B3GNT3: variants seen among roughly 807,000 people sequenced by gnomAD.
B3GNT3 encodes the protein UDP-GlcNAc:betaGal beta-1,3-N-acetylglucosaminyltransferase 3.
A neutral mutation model predicts 11.6 loss-of-function variants in B3GNT3; 7 were observed. That is an observed-to-expected ratio of 0.60 (90% CI 0.34 to 1.13). The LOEUF is 1.13. Ranked by LOEUF, B3GNT3 falls within the 50% of genes most tolerant of loss-of-function variation. The pLI is 0.03. For synonymous variants in B3GNT3, 201 were observed against 222.1 expected (o/e 0.90, Z 0.85); for missense variants, 400 against 507.4 (o/e 0.79, Z 2.03).
chr19:17,801,950 T>C (rs2094166767), intron 1 of B3GNT3, among the ~76,000 whole-genome samples: 1 of 151,980 alleles, frequency 6.6e-6, no homozygotes, highest in South Asian at 2.1e-4. Flanking sequence ...TAGCCAGGCG[T>C]GGTGGCACAT....
chr19:17,806,431 T>C (rs574337731), intron 1 of B3GNT3, among the ~76,000 whole-genome samples: 11 of 152,288 alleles, frequency 7.2e-5, no homozygotes, highest in Non-Finnish European at 1.5e-4. Context: ...CTAGGGCTGA[T>C]GAGCACTGTG....
intron 2 of B3GNT3, among the ~76,000 whole-genome samples, chr19:17,810,492 G>A (rs2094179239): frequency 6.6e-6 from 1 of 152,128 alleles, no homozygotes; most frequent in Non-Finnish European, 1.5e-5. Context: ...TGAAGCACTG[G>A]CACTATGCTG....
rs753860570 is a variant in B3GNT3, at chr19:17,811,813, T to G, written c.810T>G (p.Gly270=). Residue 270 remains glycine (G), a synonymous_variant, in exon 3 of 3, where the codon GGT becomes GGG. Coordinates refer to ENST00000318683, the MANE Select transcript of B3GNT3 (RefSeq NM_014256.4). This position sits in a 1 kb window ranked among gnomAD's most constrained non-coding sequence, Gnocchi z 4.1. ...QNERYPPYCG[G]GGFLLSRFTA... is the part of the protein sequence containing the mutation. Reference sequence around the variant, plus strand: ...AGCGGTACCCACCCTATTGTGGGGGTGGTGGCTTCTTGCTGTCCCGCTTCA... The same window carrying G: ...AGCGGTACCCACCCTATTGTGGGGGGGGTGGCTTCTTGCTGTCCCGCTTCA... 2 of 1,613,836 alleles carry G rather than the reference T, an allele frequency of 1.2e-6. No individual in the cohort carries two copies. Among genetic ancestry groups the G allele is most frequent in the African/African-American group, 2.7e-5 (2 of 74,854 alleles).
rs1313547610 is a variant in B3GNT3 at position 17,812,936 on chromosome 19, C to G, written c.*814C>G. 6.6e-6 allele frequency: 1 copy of G among 152,182 alleles called. No homozygotes were observed. The highest frequency in any genetic ancestry group is 1.5e-5 in the Non-Finnish European group (1 of 68,092). The allele number at this position is 152,182 out of a possible 1,614,324, so 9.4% of individuals were successfully genotyped here. ...AGGTCCTCCAGCAGCCTCCCTCACCCAGTATGTTTTACAGATTACGGGGGG... is the reference window on the plus strand; with the variant it reads ...AGGTCCTCCAGCAGCCTCCCTCACCGAGTATGTTTTACAGATTACGGGGGG... On this transcript the variant is annotated 3_prime_UTR_variant, in exon 3 of 3. Transcript: ENST00000318683.
At position 17,811,386 on chromosome 19, in the gene B3GNT3, G is replaced by T. The variant is rs1229188546; in HGVS notation, c.568-185G>T. Among the ~76,000 whole-genome samples, 1 of 152,208 alleles carries T rather than the reference G, an allele frequency of 6.6e-6. No homozygotes were observed. The highest frequency in any genetic ancestry group is 2.4e-5 in the African/African-American group (1 of 41,456). On this transcript the variant is annotated intron_variant, in intron 2 of 2. Coordinates refer to ENST00000318683, the MANE Select transcript of B3GNT3 (RefSeq NM_014256.4). The surrounding 1 kb of genome is among the most constrained non-coding windows in gnomAD (Gnocchi z 4.1). ...CTCCTAGAGGCACATGATAAGGCCT[G>T]TTTGGAGAGTTGAAACCAAGGCACA... is the stretch of plus-strand genomic sequence containing the variant.
At chr19:17,796,312 C>G (rs925036562) in intron 1 of B3GNT3, among the ~76,000 whole-genome samples, 1 of 152,138 alleles carries the variant, frequency 6.6e-6, no homozygotes, top group Non-Finnish European at 1.5e-5. Context: ...AGGCTGGTCT[C>G]AAACTCCTGG....
At chr19:17,808,910 G>A (rs759335898) in intron 2 of B3GNT3, among the ~76,000 whole-genome samples, 5 of 151,988 alleles carry the variant, frequency 3.3e-5, no homozygotes, top group Non-Finnish European at 7.4e-5. Context: ...TGCGATCTGG[G>A]CTTGCTGCAA....
chr19:17,811,019 C>T lies in B3GNT3; in HGVS notation c.568-552C>T, dbSNP rs1249295292. 6.6e-6 allele frequency among the ~76,000 whole-genome samples: 1 copy of T among 150,662 alleles called. No individual in the cohort carries two copies. The highest frequency in any genetic ancestry group is 1.5e-5 in the Non-Finnish European group (1 of 67,778). Reference sequence around the variant, plus strand: ...AGGTCTGGAGTCTGAGACCAGCCTGCGTAGCATAGCAAGATCCCATCTCTT... The same window carrying T: ...AGGTCTGGAGTCTGAGACCAGCCTGTGTAGCATAGCAAGATCCCATCTCTT... On this transcript the variant is annotated intron_variant, in intron 2 of 2. Coordinates refer to ENST00000318683, the MANE Select transcript of B3GNT3 (RefSeq NM_014256.4). The surrounding 1 kb of genome is among the most constrained non-coding windows in gnomAD (Gnocchi z 4.1).
intron 1 of B3GNT3, among the ~76,000 whole-genome samples, chr19:17,799,050 C>G (rs1353371917): frequency 6.6e-6 from 1 of 152,204 alleles, no homozygotes; most frequent in Non-Finnish European, 1.5e-5. Flanking sequence ...CTTGGAGCTA[C>G]CACTTGACCC....
chr19:17,807,754 A>G lies in B3GNT3; in HGVS notation c.-50-4A>G. The G allele has an allele frequency of 1.3e-6, 2 of 1,516,886 alleles. No homozygotes were observed. Among genetic ancestry groups the G allele is most frequent in the Non-Finnish European group, 1.8e-6 (2 of 1,120,360 alleles). 94.0% of individuals were successfully genotyped at this position (1,516,886 alleles called of 1,614,324 possible). A position where few individuals can be genotyped will look rare whatever the true frequency, so the allele number is the denominator to read the frequency against. ...GAGTGTTCAGTGAGTTTTGTTTTCC[A>G]CAGGAGCCGCCCAGGAGGCTCCTCA... On this transcript the variant is annotated splice_region_variant and splice_polypyrimidine_tract_variant and intron_variant, in intron 1 of 2. Coordinates refer to ENST00000318683, the MANE Select transcript of B3GNT3 (RefSeq NM_014256.4).
intron 1 of B3GNT3, among the ~76,000 whole-genome samples, chr19:17,800,836 A>G (rs547159688): frequency 1.8e-4 from 28 of 152,036 alleles, no homozygotes; most frequent in African/African-American, 3.4e-4. Context: ...GTGTGGTGGT[A>G]CATGCCTGTA....
chr19:17,803,766 A>T (rs2094169213), intron 1 of B3GNT3, among the ~76,000 whole-genome samples: 2 of 151,888 alleles, frequency 1.3e-5, no homozygotes. Context: ...CAGGAGGATC[A>T]CTTGAGCCCA....
intron 1 of B3GNT3, among the ~76,000 whole-genome samples, chr19:17,803,557 G>A (rs966575032): frequency 1.3e-5 from 2 of 152,182 alleles, no homozygotes; most frequent in Non-Finnish European, 2.9e-5. Flanking sequence ...GCGGCCAGGC[G>A]AGGGTCCCCA....
In B3GNT3 at chr19:17,812,408, G is replaced by A; in HGVS notation, c.*286G>A. 2.5e-6 allele frequency: 1 copy of A among 398,664 alleles called. No individual in the cohort carries two copies. The highest frequency in any genetic ancestry group is 3.5e-5 in the South Asian group (1 of 28,684). 24.7% of individuals were successfully genotyped at this position (398,664 alleles called of 1,614,324 possible). On this transcript the variant is annotated 3_prime_UTR_variant, in exon 3 of 3. Coordinates refer to ENST00000318683, the MANE Select transcript of B3GNT3 (RefSeq NM_014256.4). ...GTGCCTGTGCTAGAGTTCCAACTGT[G>A]GATGCATCCGTCCCGTTTGAGTCAA...
Position 17,808,270 on chromosome 19 carries a change from G to T in B3GNT3, c.463G>T (p.Glu155Ter), listed in dbSNP as rs764386044. Residue 155 changes from glutamate to a stop codon, truncating the protein, a stop_gained, in exon 2 of 3, where the codon GAG (glutamate) becomes TAG (stop). Coordinates refer to ENST00000318683, the MANE Select transcript of B3GNT3 (RefSeq NM_014256.4). LOFTEE classifies it high-confidence loss of function. ...GGTGGGCACAGCCTCCAACCCGCAC[G>T]AGGCCCGCAAGGTCAACCGGCTGCT... ...FLVGTASNPH[E>*]ARKVNRLLEL... is the part of the protein sequence containing the mutation. 42 of 1,613,448 alleles carry T rather than the reference G, an allele frequency of 2.6e-5. No homozygotes were observed. The highest frequency in any genetic ancestry group is 3.4e-5 in the Non-Finnish European group (40 of 1,179,974).
Position 17,812,105 on chromosome 19 carries a change from C to CA in B3GNT3, c.1103dup (p.Thr369AspfsTer45). ...CCAGCCCAACCTCACCTGCGGCAATCAGACACAGATCTACTGAGTCAGCAT... is the reference window on the plus strand; with the variant it reads ...CCAGCCCAACCTCACCTGCGGCAATCAAGACACAGATCTACTGAGTCAGCAT... On this transcript the variant is annotated frameshift_variant, in exon 3 of 3. Coordinates refer to ENST00000318683, the MANE Select transcript of B3GNT3 (RefSeq NM_014256.4). LOFTEE classifies it high-confidence loss of function. 5.0e-6 allele frequency: 8 copies of CA among 1,596,218 alleles called. No homozygotes were observed. Among genetic ancestry groups the CA allele is most frequent in the Non-Finnish European group, 5.9e-6 (7 of 1,178,532 alleles).
chr19:17,811,759 C>A lies in B3GNT3; in HGVS notation c.756C>A (p.Tyr252Ter). 6.2e-7 allele frequency: 1 copy of A among 1,614,240 alleles called. No individual in the cohort carries two copies. The highest frequency in any genetic ancestry group is 8.5e-7 in the Non-Finnish European group (1 of 1,180,050). ...CCATCCGGGCTTTTTGGAGCAAGTA[C>A]TATGTGCCAGAGGTGGTGACTCAGA... is the stretch of plus-strand genomic sequence containing the variant. Reference protein sequence around the residue: ...VGPIRAFWSKYYVPEVVTQNE... With the variant: ...VGPIRAFWSK Residue 252 changes from tyrosine (Y) to a stop codon, truncating the protein, a stop_gained, in exon 3 of 3, where the codon TAC (tyrosine) becomes TAA (stop). Coordinates refer to ENST00000318683, the MANE Select transcript of B3GNT3 (RefSeq NM_014256.4). LOFTEE classifies it low-confidence loss of function (END_TRUNC). This position sits in a 1 kb window ranked among gnomAD's most constrained non-coding sequence, Gnocchi z 4.1.
chr19:17,808,234 C>T lies in B3GNT3; in HGVS notation c.427C>T (p.Leu143Phe), dbSNP rs776135956. The T allele has an allele frequency of 6.2e-7, 1 of 1,613,528 alleles. No homozygotes were observed. Among genetic ancestry groups the T allele is most frequent in the South Asian group, 1.1e-5 (1 of 91,064 alleles). Residue 143 changes from leucine (L) to phenylalanine (F), a missense_variant, in exon 2 of 3, where the codon CTC (leucine) becomes TTC (phenylalanine). By Grantham distance (22) the Leu-to-Phe change is conservative (BLOSUM62 0). Coordinates refer to ENST00000318683, the MANE Select transcript of B3GNT3 (RefSeq NM_014256.4). ...ERKVRGLQLR[L>F]LFLVGTASNP... ...CAAGGTACGGGGTTTGCAGCTGCGC[C>T]TCCTCTTCCTGGTGGGCACAGCCTC...
Position 17,811,036 on chromosome 19 carries a change from C to T in B3GNT3, c.568-535C>T, listed in dbSNP as rs1180529770. 6.6e-6 allele frequency among the ~76,000 whole-genome samples: 1 copy of T among 151,140 alleles called. No individual in the cohort carries two copies. Among genetic ancestry groups the T allele is most frequent in the Non-Finnish European group, 1.5e-5 (1 of 67,830 alleles). On this transcript the variant is annotated intron_variant, in intron 2 of 2. Coordinates refer to ENST00000318683, the MANE Select transcript of B3GNT3 (RefSeq NM_014256.4). This position sits in a 1 kb window ranked among gnomAD's most constrained non-coding sequence, Gnocchi z 4.1. ...CCAGCCTGCGTAGCATAGCAAGATC[C>T]CATCTCTTAAAAAAAAAAAAATTAT... is the stretch of plus-strand genomic sequence containing the variant.
Sources: allele counts gnomAD v4.1 joint callset (sites outside exome capture counted in the v4.1 genomes callset), GRCh38; gene constraint gnomAD v4.1.1; non-coding constraint Gnocchi (gnomAD v3.1); transcripts MANE v1.5; gene names NCBI Gene and HGNC (gene_info 2026-07-23, HGNC 2026-07-21).